Variants in COASY observed in about 807,000 individuals in gnomAD.
COASY encodes the protein Coenzyme A synthase.
In COASY, 31 loss-of-function variants were observed where a neutral mutation model predicts 49.4. That is an observed-to-expected ratio of 0.63 (90% CI 0.47 to 0.85). The LOEUF is 0.85. COASY is among the 40% of genes least tolerant of loss of function. COASY has a pLI of 0.00. For synonymous variants in COASY, 285 were observed against 310.9 expected (o/e 0.92, Z 0.88); for missense variants, 730 against 734.1 (o/e 0.99, Z 0.06).
In COASY at chr17:42,562,394, C is replaced by T. The variant is rs545863395; in HGVS notation, c.-229C>T. 12 of 1,613,404 alleles carry T rather than the reference C, an allele frequency of 7.4e-6. No individual in the cohort carries two copies. In the African/African-American group the frequency reaches 8.0e-5, roughly 11 times the overall value. On this transcript the variant is annotated 5_prime_UTR_variant, in exon 1 of 9. Transcript: ENST00000393818. Reference sequence around the variant, plus strand: ...GGATTTCGACTCAGTTCAGCGAAGTCACCGCCCCGTCTGAGAAATGAGGAC... The same window carrying T: ...GGATTTCGACTCAGTTCAGCGAAGTTACCGCCCCGTCTGAGAAATGAGGAC...
In COASY at chr17:42,562,266, C is replaced by T; in HGVS notation, c.-357C>T. 3.0e-6 allele frequency: 2 copies of T among 676,404 alleles called. No individual in the cohort carries two copies. The highest frequency in any genetic ancestry group is 1.8e-5 in the South Asian group (1 of 54,600). The allele number at this position is 676,404 out of a possible 1,614,324, so 41.9% of individuals were successfully genotyped here. A position where few individuals can be genotyped will look rare whatever the true frequency, so the allele number is the denominator to read the frequency against. On this transcript the variant is annotated 5_prime_UTR_variant, in exon 1 of 9. Coordinates refer to ENST00000393818, the MANE Select transcript of COASY (RefSeq NM_025233.7). ...GCTTTAGCGTCCCCCTTTAGCCTCC[C>T]TCTTCGATTCCTTGAAGACCCTGGT...
rs199952439 is a variant in COASY at position 42,563,137 on chromosome 17, C to T, written c.515C>T (p.Ser172Phe). The T allele has an allele frequency of 1.2e-6, 2 of 1,613,944 alleles. No individual in the cohort carries two copies. Among genetic ancestry groups the T allele is most frequent in the Non-Finnish European group, 1.7e-6 (2 of 1,179,928 alleles). Residue 172 changes from serine (S) to phenylalanine (F), a missense_variant, in exon 1 of 9, where the codon TCC becomes TTC. By Grantham distance (155) the Ser-to-Phe change is radical. Coordinates refer to ENST00000393818, the MANE Select transcript of COASY (RefSeq NM_025233.7). Reference sequence around the variant, plus strand: ...GAGCCCCTGGATGTCCCCTTACCCTCCACGATCAGGCCAGCTTCCCCCGTG... The same window carrying T: ...GAGCCCCTGGATGTCCCCTTACCCTTCACGATCAGGCCAGCTTCCCCCGTG... ...PVEPLDVPLP[S>F]TIRPASPVAG...
rs750526480 is a variant in COASY, at chr17:42,562,182, C to A, written c.-441C>A. On this transcript the variant is annotated 5_prime_UTR_variant, in exon 1 of 9. Coordinates refer to ENST00000393818, the MANE Select transcript of COASY (RefSeq NM_025233.7). ...TCCGGGTTGCAGCCAGGGAAGCCTC[C>A]GCGGTGGTGCAAGTGGAACCCAAGC... The A allele has an allele frequency of 2.1e-6, 1 of 474,592 alleles. No individual in the cohort carries two copies. The highest frequency in any genetic ancestry group is 3.7e-6 in the Non-Finnish European group (1 of 266,868). The allele number at this position is 474,592 out of a possible 1,614,324, so 29.4% of individuals were successfully genotyped here.
In COASY at chr17:42,562,884, A is replaced by G. The variant is rs747643104; in HGVS notation, c.262A>G (p.Thr88Ala). ...GCACTTGGACGTCAGAATCCTACTG[A>G]CCAATATCCGAACCAAGAGCACCTT... ...HRHLDVRILLTNIRTKSTFLP... is the reference protein window; with the variant it reads ...HRHLDVRILLANIRTKSTFLP... The change falls in exon 1 of 9, where the codon ACC (threonine) becomes GCC (alanine). Residue 88 changes from threonine (T) to alanine (A), a missense_variant. Transcript: ENST00000393818. 6.2e-7 allele frequency: 1 copy of G among 1,612,048 alleles called. No homozygotes were observed. The highest frequency in any genetic ancestry group is 8.5e-7 in the Non-Finnish European group (1 of 1,178,508).
Position 42,562,285 on chromosome 17 carries a change from C to A in COASY, c.-338C>A. The A allele has an allele frequency of 1.2e-6, 1 of 807,122 alleles. No individual in the cohort carries two copies. Among genetic ancestry groups the A allele is most frequent in the Non-Finnish European group, 2.1e-6 (1 of 487,160 alleles). The allele number at this position is 807,122 out of a possible 1,614,324, so 50.0% of individuals were successfully genotyped here. A position where few individuals can be genotyped will look rare whatever the true frequency, so the allele number is the denominator to read the frequency against. On this transcript the variant is annotated 5_prime_UTR_variant, in exon 1 of 9. Transcript: ENST00000393818. ...GCCTCCCTCTTCGATTCCTTGAAGA[C>A]CCTGGTGCAGCTTAGCAAGAGGGCC...
chr17:42,564,891 T>C lies in COASY; in HGVS notation c.1230T>C (p.Phe410=). Residue 410 remains phenylalanine (F), a synonymous_variant, in exon 4 of 9, where the codon TTT becomes TTC. Transcript: ENST00000393818. Reference sequence around the variant, plus strand: ...CCTACCAGCCTGTGGTGGAGGCCTTTGGAACAGGTAATAACTGGGGAAGGC... The same window carrying C: ...CCTACCAGCCTGTGGTGGAGGCCTTCGGAACAGGTAATAACTGGGGAAGGC... ...GPAYQPVVEA[F]GTDILHKDGI... is the part of the protein sequence containing the mutation. 3.3e-5 allele frequency: 53 copies of C among 1,611,062 alleles called. No individual in the cohort carries two copies. The highest frequency in any genetic ancestry group is 4.3e-5 in the Non-Finnish European group (51 of 1,178,112).
In COASY at chr17:42,562,794, G is replaced by T; in HGVS notation, c.172G>T (p.Val58Leu). 6.2e-7 allele frequency: 1 copy of T among 1,611,508 alleles called. No homozygotes were observed. Among genetic ancestry groups the T allele is most frequent in the African/African-American group, 1.3e-5 (1 of 75,004 alleles). The change falls in exon 1 of 9, where the codon GTG (valine) becomes TTG (leucine). Residue 58 changes from valine (V) to leucine (L), a missense_variant. Val to Leu is a conservative substitution (Grantham distance 32). Transcript: ENST00000393818. ...EGPAQPQSSP[V>L]QATFEVLDFI... ...CCCGGCTCAGCCCCAGTCCAGCCCC[G>T]TGCAGGCCACGTTTGAGGTTCTTGA...
chr17:42,563,019 C>G lies in COASY; in HGVS notation c.397C>G (p.Leu133Val). The G allele has an allele frequency of 6.2e-7, 1 of 1,614,164 alleles. No homozygotes were observed. Among genetic ancestry groups the G allele is most frequent in the African/African-American group, 1.3e-5 (1 of 75,038 alleles). The change falls in exon 1 of 9, where the codon CTA (leucine) becomes GTA (valine). Residue 133 changes from leucine (L) to valine (V), a missense_variant. By Grantham distance (32) the Leu-to-Val change is conservative. Coordinates refer to ENST00000393818, the MANE Select transcript of COASY (RefSeq NM_025233.7). ...GSQYNPVKQQ[L>V]VRYATSCYSC... Reference sequence around the variant, plus strand: ...CCAGTACAACCCGGTCAAACAGCAGCTAGTGCGTTACGCCACCAGCTGTTA... The same window carrying G: ...CCAGTACAACCCGGTCAAACAGCAGGTAGTGCGTTACGCCACCAGCTGTTA...
In COASY at chr17:42,562,877, C is replaced by T. The variant is rs1324646116; in HGVS notation, c.255C>T (p.Ile85=). ...ADVHRHLDVR[I]LLTNIRTKST... ...TCCACAGGCACTTGGACGTCAGAAT[C>T]CTACTGACCAATATCCGAACCAAGA... The change falls in exon 1 of 9, where the codon ATC becomes ATT. Residue 85 remains isoleucine (I), a synonymous_variant. Transcript: ENST00000393818. 6 of 1,612,386 alleles carry T rather than the reference C, an allele frequency of 3.7e-6. No homozygotes were observed. In the African/African-American group the frequency reaches 5.3e-5, roughly 14 times the overall value.
rs764897395 is a variant in COASY at position 42,563,128 on chromosome 17, C to T, written c.506C>T (p.Pro169Leu). ...GEVPVEPLDV[P>L]LPSTIRPASP... is the part of the protein sequence containing the mutation. ...GTGCCCGTGGAGCCCCTGGATGTCC[C>T]CTTACCCTCCACGATCAGGCCAGCT... Residue 169 changes from proline to leucine, a missense_variant, in exon 1 of 9, where the codon CCC (proline) becomes CTC (leucine). Transcript: ENST00000393818. 2 of 1,613,796 alleles carry T rather than the reference C, an allele frequency of 1.2e-6. No homozygotes were observed. Among genetic ancestry groups the T allele is most frequent in the East Asian group, 2.2e-5 (1 of 44,882 alleles).
In COASY at chr17:42,562,864, T is replaced by A; in HGVS notation, c.242T>A (p.Leu81Ter). The A allele has an allele frequency of 1.2e-6, 2 of 1,613,432 alleles. No homozygotes were observed. The highest frequency in any genetic ancestry group is 1.7e-6 in the Non-Finnish European group (2 of 1,179,566). The change falls in exon 1 of 9, where the codon TTG becomes TAG. Residue 81 changes from leucine to a stop codon, truncating the protein, a stop_gained. Coordinates refer to ENST00000393818, the MANE Select transcript of COASY (RefSeq NM_025233.7). LOFTEE classifies it high-confidence loss of function. ...GCTGGCGCCGACGTCCACAGGCACTTGGACGTCAGAATCCTACTGACCAAT... is the reference window on the plus strand; with the variant it reads ...GCTGGCGCCGACGTCCACAGGCACTAGGACGTCAGAATCCTACTGACCAAT... ...LYAGADVHRH[L>*]DVRILLTNIR...
At position 42,562,465 on chromosome 17, in the gene COASY, G is replaced by A. The variant is rs769149059; in HGVS notation, c.-158G>A. ...CCCGAGGCGCCGTCTACCAGGCCCC[G>A]TCCCCTCCCCCGGCTCCTGTCGGTC... On this transcript the variant is annotated 5_prime_UTR_variant, in exon 1 of 9. Transcript: ENST00000393818. 2 of 1,613,720 alleles carry A rather than the reference G, an allele frequency of 1.2e-6. No individual in the cohort carries two copies.
At position 42,564,453 on chromosome 17, in the gene COASY, A is replaced by G; in HGVS notation, c.923A>G (p.Glu308Gly). 1 of 1,613,990 alleles carries G rather than the reference A, an allele frequency of 6.2e-7. No individual in the cohort carries two copies. Residue 308 changes from glutamate (E) to glycine (G), a missense_variant, in exon 3 of 9, where the codon GAG becomes GGG. Physicochemically the swap from Glu to Gly is moderately conservative, Grantham distance 98. Coordinates refer to ENST00000393818, the MANE Select transcript of COASY (RefSeq NM_025233.7). ...INRFRLENDL[E>G]ELALYQIQLL... is the part of the protein sequence containing the mutation. The stretch of plus-strand genomic sequence containing the variant: ...CTTTCCTCTTTACCCCAGGACCTGG[A>G]GGAACTTGCTTTGTACCAGATCCAG...
At chr17:42,564,268 G>A in intron 2 of COASY, 93 bp downstream of exon 2, 1 of 1,456,692 alleles carries the variant, frequency 6.9e-7, no homozygotes, top group Non-Finnish European at 9.5e-7. Flanking sequence ...CCCCAGAGGA[G>A]AGAAGTGGGG....
rs1416063317 is a variant in COASY, at chr17:42,562,433, G to A, written c.-190G>A. 1 of 1,613,866 alleles carries A rather than the reference G, an allele frequency of 6.2e-7. No individual in the cohort carries two copies. Among genetic ancestry groups the A allele is most frequent in the Non-Finnish European group, 8.5e-7 (1 of 1,179,858 alleles). ...AGAAATGAGGACACCAAGGCTTAGA[G>A]CACAGCCCCGAGGCGCCGTCTACCA... On this transcript the variant is annotated 5_prime_UTR_variant, in exon 1 of 9. Transcript: ENST00000393818.
Position 42,565,251 on chromosome 17 carries a change from A to G in COASY, c.1327A>G (p.Ile443Val), listed in dbSNP as rs1281944248. 1.9e-6 allele frequency: 3 copies of G among 1,614,082 alleles called. No homozygotes were observed. Among genetic ancestry groups the G allele is most frequent in the Admixed American group, 3.3e-5 (2 of 60,012 alleles). ...GAAGCAGCTGAAGATACTCACGGAC[A>G]TTATGTGGCCAATTATCGCAAAGCT... ...NKKQLKILTDIMWPIIAKLAR... is the reference protein window; with the variant it reads ...NKKQLKILTDVMWPIIAKLAR... Residue 443 changes from isoleucine (I) to valine (V), a missense_variant, in exon 6 of 9, where the codon ATT (isoleucine) becomes GTT (valine). By Grantham distance (29) the Ile-to-Val change is conservative (BLOSUM62 3). Transcript: ENST00000393818.
Position 42,564,803 on chromosome 17 carries a change from TG to T in COASY, c.1147del (p.Ala383ArgfsTer44). ...TCAATAGCTCAGCGACTGAAGGGCC[TG>T]GGGGCGTTTGTCATTGACAGTGACC... Reference protein sequence around the residue: ...KSSIAQRLKGLGAFVIDSDHL... With the variant: ...KSSIAQRLKGXGAFVIDSDHL... On this transcript the variant is annotated frameshift_variant, in exon 4 of 9. Transcript: ENST00000393818. LOFTEE classifies it high-confidence loss of function. 1.3e-6 allele frequency: 2 copies of T among 1,555,048 alleles called. No individual in the cohort carries two copies. The highest frequency in any genetic ancestry group is 2.0e-5 in the Admixed American group (1 of 49,170).
In COASY at chr17:42,564,791, G is replaced by C; in HGVS notation, c.1130G>C (p.Arg377Pro). Residue 377 changes from arginine (R) to proline (P), a missense_variant, in exon 4 of 9, where the codon CGA becomes CCA. Physicochemically the swap from Arg to Pro is moderately radical, Grantham distance 103 (BLOSUM62 -2). Coordinates refer to ENST00000393818, the MANE Select transcript of COASY (RefSeq NM_025233.7). ...SGSGKSSIAQRLKGLGAFVID... is the reference protein window; with the variant it reads ...SGSGKSSIAQPLKGLGAFVID... Reference sequence around the variant, plus strand: ...TCTGGGAAGAGCTCAATAGCTCAGCGACTGAAGGGCCTGGGGGCGTTTGTC... The same window carrying C: ...TCTGGGAAGAGCTCAATAGCTCAGCCACTGAAGGGCCTGGGGGCGTTTGTC... 2 of 1,546,478 alleles carry C rather than the reference G, an allele frequency of 1.3e-6. No individual in the cohort carries two copies. The highest frequency in any genetic ancestry group is 1.7e-6 in the Non-Finnish European group (2 of 1,151,304).
rs1487359105 is a variant in COASY at position 42,565,586 on chromosome 17, C to A, written c.1485+18C>A. 1 of 1,614,024 alleles carries A rather than the reference C, an allele frequency of 6.2e-7. No homozygotes were observed. Among genetic ancestry groups the A allele is most frequent in the Non-Finnish European group, 8.5e-7 (1 of 1,179,866 alleles). Reference sequence around the variant, plus strand: ...AGACTGAGGTATCTCGCCCCACCCCCCACACCATCCCTACTGCAGATCCTA... The same window carrying A: ...AGACTGAGGTATCTCGCCCCACCCCACACACCATCCCTACTGCAGATCCTA... On this transcript the variant is annotated intron_variant, in intron 7 of 8. Transcript: ENST00000393818.
Sources: allele counts gnomAD v4.1 joint callset, GRCh38; gene constraint gnomAD v4.1.1; transcripts MANE v1.5; gene names NCBI Gene and HGNC (gene_info 2026-07-23, HGNC 2026-07-21).